Variants in ZNF462 observed in about 807,000 individuals in gnomAD.
ZNF462 encodes zinc finger PBX1-interacting protein.
A neutral mutation model predicts 201.9 loss-of-function variants in ZNF462; 10 were observed. The observed-to-expected ratio is 0.05, with a 90% confidence interval of 0.03 to 0.08. The LOEUF (loss-of-function observed/expected upper bound fraction) is 0.08, where lower values mean the gene tolerates loss of function less well. Among genes scored for constraint, ZNF462 ranks in the 10% least tolerant of loss-of-function variants. ZNF462 has a pLI of 1.00. For synonymous variants in ZNF462, 1,227 were observed against 1,193.3 expected (o/e 1.03, Z -0.58); for missense variants, 2,523 against 3,168.3 (o/e 0.80, Z 4.89).
At chr9:106,864,047 T>G (rs934995749) in intron 1 of ZNF462, among the ~76,000 whole-genome samples, 379 of 36,402 alleles carry the variant, frequency 0.01, no homozygotes, top group East Asian at 0.04. Context: ...TGGCTCTCTC[T>G]CTCTCTCTCT....
rs200191214 is a variant in ZNF462 at position 106,924,322 on chromosome 9, G to A, written c.410G>A (p.Gly137Glu). Residue 137 changes from glycine to glutamate, a missense_variant, in exon 3 of 13, where the codon GGG becomes GAG. Gly to Glu is a moderately conservative substitution (Grantham distance 98). Coordinates refer to ENST00000277225, the MANE Select transcript of ZNF462 (RefSeq NM_021224.6). This position sits in a 1 kb window ranked among gnomAD's most constrained non-coding sequence, Gnocchi z 6.2. ...AAGGTCCATGGAGCTCAAGCTGAAG[G>A]GAGTTCATCAGGACCCCCTGTCCCG... ...TRKVHGAQAEGSSSGPPVPGS... is the reference protein window; with the variant it reads ...TRKVHGAQAEESSSGPPVPGS... The A allele has an allele frequency of 6.6e-5, 106 of 1,613,954 alleles. No individual in the cohort carries two copies. Among genetic ancestry groups the A allele is most frequent in the Admixed American group, 8.3e-5 (5 of 59,990 alleles).
Position 106,929,865 on chromosome 9 carries a change from T to C in ZNF462, c.5847+106T>C, listed in dbSNP as rs1026470607. ...AACTGCTGCAGGCTTCCTAGTGACT[T>C]AGCTTGCCAGAGAGCTCAATAAGTC... On this transcript the variant is annotated intron_variant, in intron 3 of 12. Coordinates refer to ENST00000277225, the MANE Select transcript of ZNF462 (RefSeq NM_021224.6). The surrounding 1 kb of genome is among the most constrained non-coding windows in gnomAD (Gnocchi z 8.7). 3 of 1,036,668 alleles carry C rather than the reference T, an allele frequency of 2.9e-6. No individual in the cohort carries two copies. The highest frequency in any genetic ancestry group is 2.8e-6 in the Non-Finnish European group (2 of 711,024). The allele number at this position is 1,036,668 out of a possible 1,614,324, so 64.2% of individuals were successfully genotyped here.
At position 107,009,800 on chromosome 9, in the gene ZNF462, G is replaced by A; in HGVS notation, c.7313+132G>A. ...ACATTTCTGGGCCGTGGGAGGAGAG[G>A]CAATGGTGAGGAACCAAGTTTCTCC... On this transcript the variant is annotated intron_variant, in intron 12 of 12. Transcript: ENST00000277225. This position sits in a 1 kb window ranked among gnomAD's most constrained non-coding sequence, Gnocchi z 6.1. 3.1e-6 allele frequency: 4 copies of A among 1,310,718 alleles called. No individual in the cohort carries two copies. In the South Asian group the frequency reaches 6.1e-5, roughly 20 times the overall value. 81.2% of individuals were successfully genotyped at this position (1,310,718 alleles called of 1,614,324 possible). A position where few individuals can be genotyped will look rare whatever the true frequency, so the allele number is the denominator to read the frequency against.
rs373934401 is a variant in ZNF462 at position 106,924,163 on chromosome 9, G to C, written c.251G>C (p.Gly84Ala). The C allele has an allele frequency of 6.2e-7, 1 of 1,609,158 alleles. No homozygotes were observed. Among genetic ancestry groups the C allele is most frequent in the African/African-American group, 1.3e-5 (1 of 74,728 alleles). ...AATGCAACTTCATTGGGGACCGGAG[G>C]TTACTATGGCCACAGTCCAGGATAT... ...GQNATSLGTG[G>A]YYGHSPGYYG... The change falls in exon 3 of 13, where the codon GGT becomes GCT. Residue 84 changes from glycine (G) to alanine (A), a missense_variant. Around this residue, in one of 15 missense-constraint regions of ZNF462, gnomAD observed 480 missense variants for 544.4 expected, o/e 0.88. Transcript: ENST00000277225. This position sits in a 1 kb window ranked among gnomAD's most constrained non-coding sequence, Gnocchi z 6.2.
chr9:106,959,338 C>A (rs1052238152), intron 7 of ZNF462, among the ~76,000 whole-genome samples: 1 of 152,114 alleles, frequency 6.6e-6, no homozygotes, highest in African/African-American at 2.4e-5. Flanking sequence ...GTCAGAGATC[C>A]CTGTTCCACT....
chr9:106,898,670 G>GGGA (rs1304856462), intron 1 of ZNF462, among the ~76,000 whole-genome samples: 2 of 152,162 alleles, frequency 1.3e-5, no homozygotes, highest in African/African-American at 4.8e-5. Flanking sequence ...GTGGTGCTGG[G>GGGA]GGAGGAGGTC....
intron 10 of ZNF462, among the ~76,000 whole-genome samples, chr9:106,997,806 C>T (rs1828853464): frequency 6.6e-6 from 1 of 152,090 alleles, no homozygotes; most frequent in African/African-American, 2.4e-5. Flanking sequence ...ATCTAGTCCA[C>T]CTCCTTTTTT....
intron 1 of ZNF462, among the ~76,000 whole-genome samples, chr9:106,915,912 A>G (rs903010754): frequency 6.6e-6 from 1 of 152,206 alleles, no homozygotes; most frequent in African/African-American, 2.4e-5. Flanking sequence ...AAGAAAATAG[A>G]CTGGAAGGGT....
At chr9:106,860,168 C>T (rs61996261), upstream of ZNF462, among the ~76,000 whole-genome samples, 7 of 152,162 alleles carry the variant, frequency 4.6e-5, no homozygotes, top group Admixed American at 2.0e-4. The surrounding 1 kb of genome is among the most constrained non-coding windows in gnomAD (Gnocchi z 7.1). Flanking sequence ...GGAGCCAAGT[C>T]CCCCCGCGGC....
Position 106,935,591 on chromosome 9 carries a change from C to T in ZNF462, c.6205C>T (p.Leu2069=). The T allele has an allele frequency of 6.2e-7, 1 of 1,614,050 alleles. No homozygotes were observed. The highest frequency in any genetic ancestry group is 8.5e-7 in the Non-Finnish European group (1 of 1,179,956). The change falls in exon 6 of 13, where the codon CTG becomes TTG. Residue 2069 remains leucine, a synonymous_variant. Transcript: ENST00000277225. The surrounding 1 kb of genome is among the most constrained non-coding windows in gnomAD (Gnocchi z 4.1). ...CSFKSSYNSR[L]KTHILKAHAG... ...CTTCAAGTCCTCCTATAACAGCCGGCTGAAAACACATATACTCAAAGCTCA... is the reference window on the plus strand; with the variant it reads ...CTTCAAGTCCTCCTATAACAGCCGGTTGAAAACACATATACTCAAAGCTCA...
chr9:107,008,416 A>G lies in ZNF462; in HGVS notation c.7190-1129A>G, dbSNP rs1160583420. Among the ~76,000 whole-genome samples the G allele has an allele frequency of 6.6e-6, 1 of 152,170 alleles. No homozygotes were observed. The highest frequency in any genetic ancestry group is 1.5e-5 in the Non-Finnish European group (1 of 68,034). On this transcript the variant is annotated intron_variant, in intron 11 of 12. Coordinates refer to ENST00000277225, the MANE Select transcript of ZNF462 (RefSeq NM_021224.6). The surrounding 1 kb of genome is among the most constrained non-coding windows in gnomAD (Gnocchi z 4.8). ...TCACAGAGCCCCCCATCCTGTTAACATCGTCCTGAGAATCTTATTAGATGG... is the reference window on the plus strand; with the variant it reads ...TCACAGAGCCCCCCATCCTGTTAACGTCGTCCTGAGAATCTTATTAGATGG...
chr9:106,864,838 A>G (rs1827262196), intron 1 of ZNF462, among the ~76,000 whole-genome samples: 1 of 152,224 alleles, frequency 6.6e-6, no homozygotes, highest in Non-Finnish European at 1.5e-5. Flanking sequence ...GGTTGCTTGC[A>G]GGTTTTTGGA....
chr9:107,001,581 T>G (rs1564165908), intron 10 of ZNF462, among the ~76,000 whole-genome samples: 1 of 152,134 alleles, frequency 6.6e-6, no homozygotes, highest in Non-Finnish European at 1.5e-5. Flanking sequence ...TTTTTGCTCT[T>G]ATGTCATAAA....
At chr9:106,889,926 T>G (rs973676108) in intron 1 of ZNF462, among the ~76,000 whole-genome samples, 1 of 152,244 alleles carries the variant, frequency 6.6e-6, no homozygotes, top group East Asian at 1.9e-4. Flanking sequence ...TTCAGACATA[T>G]TGGCTTACCC....
intron 1 of ZNF462, among the ~76,000 whole-genome samples, chr9:106,909,789 T>A (rs1317026251): frequency 2.6e-5 from 4 of 152,216 alleles, no homozygotes; most frequent in Non-Finnish European, 5.9e-5. Flanking sequence ...GATTCAATGT[T>A]TAGCCTTGAA....
At chr9:106,934,258 C>T (rs1830537953) in intron 5 of ZNF462, among the ~76,000 whole-genome samples, 1 of 149,822 alleles carries the variant, frequency 6.7e-6, no homozygotes, top group South Asian at 2.1e-4. Context: ...GAGATTTTAT[C>T]CCAGGTAGTC....
At position 106,984,107 on chromosome 9, in the gene ZNF462, C is replaced by T; in HGVS notation, c.6833-79C>T. On this transcript the variant is annotated intron_variant, in intron 9 of 12. Transcript: ENST00000277225. This position sits in a 1 kb window ranked among gnomAD's most constrained non-coding sequence, Gnocchi z 6.4. ...AGGAGCAGCAAGATTGGGTGAGTTT[C>T]TTCTTGTATTCCAAAGAAAGAACTT... 7.3e-7 allele frequency: 1 copy of T among 1,369,314 alleles called. No individual in the cohort carries two copies. The highest frequency in any genetic ancestry group is 1.9e-5 in the Admixed American group (1 of 52,166). The allele number at this position is 1,369,314 out of a possible 1,614,324, so 84.8% of individuals were successfully genotyped here.
chr9:106,990,479 TTC>T (rs1292920768), intron 10 of ZNF462, among the ~76,000 whole-genome samples: 6 of 152,090 alleles, frequency 3.9e-5, no homozygotes, highest in Admixed American at 1.3e-4. Flanking sequence ...TTTGTTGACT[TTC>T]TGTCTTGATG....
chr9:106,866,932 T>C (rs1827359106), intron 1 of ZNF462, among the ~76,000 whole-genome samples: 1 of 152,206 alleles, frequency 6.6e-6, no homozygotes. Context: ...TTGTTATTGA[T>C]AGCAGGACAA....
Sources: gnomAD v4.1 joint callset for allele counts (sites outside exome capture counted in the v4.1 genomes callset) on GRCh38, gnomAD v4.1.1 for gene constraint, gnomAD v4.1.1 regional missense constraint, Gnocchi (gnomAD v3.1) non-coding constraint, MANE v1.5 for transcripts, NCBI Gene and HGNC (gene_info 2026-07-23, HGNC 2026-07-21) for gene names.